Variants in WDR64 observed in about 807,000 individuals in gnomAD.
The protein encoded by WDR64 is WD repeat-containing protein 64.
A neutral mutation model predicts 139.3 loss-of-function variants in WDR64; 112 were observed. That is an observed-to-expected ratio of 0.80 (90% CI 0.69 to 0.94). The LOEUF (loss-of-function observed/expected upper bound fraction) is 0.94, where lower values mean the gene tolerates loss of function less well. Among genes scored for constraint, WDR64 ranks in the 40% least tolerant of loss-of-function variants. The probability of loss-of-function intolerance (pLI) is 0.00; values close to 1 mark genes in which losing one functional copy is unlikely to be tolerated. For missense variants in WDR64, 1,206 were observed against 1,293.1 expected, an observed-to-expected ratio of 0.93 and a Z score of 1.03; for synonymous variants, 444 against 437.7, an observed-to-expected ratio of 1.01 and a Z score of -0.18.
Position 241,796,343 on chromosome 1 carries a change from G to C in WDR64, c.3165G>C (p.Lys1055Asn). 1 of 1,613,680 alleles carries C rather than the reference G, an allele frequency of 6.2e-7. No homozygotes were observed. ...KDSSDGITGK[K>N]KGGHVQREKA... is the part of the protein sequence containing the mutation. ...CTTCAGATGGCATTACAGGAAAGAAGAAGGGAGGTCATGTTCAACGTGAAA... is the reference window on the plus strand; with the variant it reads ...CTTCAGATGGCATTACAGGAAAGAACAAGGGAGGTCATGTTCAACGTGAAA... Residue 1055 changes from lysine to asparagine, a missense_variant, in exon 27 of 28, where the codon AAG (lysine) becomes AAC (asparagine). By Grantham distance (94) the Lys-to-Asn change is moderately conservative. Coordinates refer to ENST00000437684, the MANE Select transcript of WDR64 (RefSeq NM_001367482.1).
intron 3 of WDR64, 32 bp downstream of exon 3, chr1:241,671,208 A>C: frequency 7.4e-7 from 1 of 1,350,974 alleles, no homozygotes; most frequent in Non-Finnish European, 1.0e-6. Context: ...CCAAATTAGT[A>C]TGAGTTTTAA....
intron 2 of WDR64, among the ~76,000 whole-genome samples, chr1:241,662,171 C>T (rs1466378840): frequency 1.3e-5 from 2 of 152,156 alleles, no homozygotes; most frequent in Admixed American, 6.5e-5. Context: ...GATTCTACTG[C>T]TACTGTACTA....
chr1:241,765,124 C>T (rs961365812), intron 15 of WDR64, among the ~76,000 whole-genome samples: 1 of 151,776 alleles, frequency 6.6e-6, no homozygotes, highest in Non-Finnish European at 1.5e-5. Flanking sequence ...GAAGTCGAGG[C>T]TGCAGTAAGC....
chr1:241,781,299 C>A (rs1658836604), intron 22 of WDR64, among the ~76,000 whole-genome samples: 1 of 152,088 alleles, frequency 6.6e-6, no homozygotes, highest in African/African-American at 2.4e-5. Flanking sequence ...TCTTTAGTAA[C>A]TTATTTTAAA....
intron 10 of WDR64, among the ~76,000 whole-genome samples, chr1:241,735,819 TTCTA>T (rs57690111): frequency 0.011 from 1,399 of 129,122 alleles, 10 homozygotes; most frequent in Non-Finnish European, 0.016. Flanking sequence ...GTCCTTCTCT[TTCTA>T]TCTCTCTCTC....
intron 10 of WDR64, among the ~76,000 whole-genome samples, chr1:241,730,010 T>C (rs1659139891): frequency 6.6e-6 from 1 of 152,230 alleles, no homozygotes; most frequent in Non-Finnish European, 1.5e-5. Flanking sequence ...GTTTCAAAAC[T>C]TTCCTGAGTG....
At chr1:241,704,615 A>AT (rs1481596727) in intron 8 of WDR64, among the ~76,000 whole-genome samples, 4 of 152,160 alleles carry the variant, frequency 2.6e-5, no homozygotes, top group African/African-American at 4.8e-5. Flanking sequence ...TCCTATCATT[A>AT]TTTTTTATAG....
chr1:241,769,368 G>C (rs752609242), intron 16 of WDR64, 36 bp from the exon 17 acceptor site: 1 of 1,515,020 alleles, frequency 6.6e-7, no homozygotes, highest in Non-Finnish European at 9.0e-7. Context: ...CATAATTTGT[G>C]AATTTTTTCT....
chr1:241,684,363 T>A (rs906575417), intron 7 of WDR64, among the ~76,000 whole-genome samples: 5 of 152,176 alleles, frequency 3.3e-5, no homozygotes, highest in Admixed American at 2.0e-4. Context: ...AAAGTGATCA[T>A]CAGAAAAAAA....
chr1:241,787,558 G>A (rs576406761), intron 23 of WDR64, among the ~76,000 whole-genome samples: 8 of 151,710 alleles, frequency 5.3e-5, no homozygotes, highest in Non-Finnish European at 8.8e-5. Context: ...TCAGCTACTC[G>A]GGAAGCTGAG....
At chr1:241,744,184 C>A (rs1345348768) in intron 12 of WDR64, among the ~76,000 whole-genome samples, 1 of 152,210 alleles carries the variant, frequency 6.6e-6, no homozygotes, top group Non-Finnish European at 1.5e-5. Flanking sequence ...GTCTCAGCCC[C>A]TACATTTGCA....
chr1:241,687,258 C>A (rs139537956), intron 7 of WDR64, among the ~76,000 whole-genome samples: 2 of 149,352 alleles, frequency 1.3e-5, no homozygotes, highest in African/African-American at 2.5e-5. Flanking sequence ...GAGCCGAGAT[C>A]GCACCACTGC....
At position 241,660,598 on chromosome 1, in the gene WDR64, G is replaced by A; in HGVS notation, c.214G>A (p.Asp72Asn). ...CTTTGGTCCAGATGTGAAGAATCAA[G>A]ATGTGAAACGCTTTTACAGGAAACT... ...KLFGPDVKNQ[D>N]VKRFYRKLCN... is the part of the protein sequence containing the mutation. The change falls in exon 2 of 28, where the codon GAT becomes AAT. Residue 72 changes from aspartate (D) to asparagine (N), a missense_variant. Asp to Asn is a conservative substitution (Grantham distance 23, BLOSUM62 1). Transcript: ENST00000437684. The A allele has an allele frequency of 6.4e-7, 1 of 1,551,778 alleles. No homozygotes were observed. The highest frequency in any genetic ancestry group is 8.7e-7 in the Non-Finnish European group (1 of 1,146,900).
At chr1:241,744,140 T>C (rs1489168960) in intron 12 of WDR64, among the ~76,000 whole-genome samples, 1 of 152,202 alleles carries the variant, frequency 6.6e-6, no homozygotes, top group Non-Finnish European at 1.5e-5. Context: ...ACTTCTTCCA[T>C]GGCCAGGGGC....
chr1:241,719,626 A>T (rs757078964), intron 9 of WDR64, among the ~76,000 whole-genome samples: 1 of 152,162 alleles, frequency 6.6e-6, no homozygotes, highest in Non-Finnish European at 1.5e-5. Context: ...ATACCCAACT[A>T]ACAAGTCACC....
chr1:241,660,673 C>T lies in WDR64; in HGVS notation c.276+13C>T. The T allele has an allele frequency of 6.5e-7, 1 of 1,545,622 alleles. No homozygotes were observed. Among genetic ancestry groups the T allele is most frequent in the Non-Finnish European group, 8.7e-7 (1 of 1,144,762 alleles). ...AGACTGGTGTGAGGTAGACTCATTT[C>T]ATGTTCATAATATGAAATCCAGGTA... On this transcript the variant is annotated intron_variant, in intron 2 of 27. Coordinates refer to ENST00000437684, the MANE Select transcript of WDR64 (RefSeq NM_001367482.1).
chr1:241,791,612 C>T (rs1659216831), intron 25 of WDR64, among the ~76,000 whole-genome samples: 1 of 151,864 alleles, frequency 6.6e-6, no homozygotes, highest in Non-Finnish European at 1.5e-5. Context: ...TTTGAGGTTA[C>T]AGTGAGCTAT....
rs138441705 is a variant in WDR64, at chr1:241,680,666, C to A, written c.624+1071C>A. ...GGTCAGCCTCACCCTTCATTCTCTT[C>A]GATCTTTGTCCTTCAACCTGGAGGG... On this transcript the variant is annotated intron_variant, in intron 6 of 27. Coordinates refer to ENST00000437684, the MANE Select transcript of WDR64 (RefSeq NM_001367482.1). Among the ~76,000 whole-genome samples the A allele has an allele frequency of 3.6e-3, 549 of 152,316 alleles. 6 individuals carry two copies. The highest frequency in any genetic ancestry group is 0.013 in the African/African-American group (537 of 41,562).
At chr1:241,730,732 C>A (rs1669045623) in intron 10 of WDR64, among the ~76,000 whole-genome samples, 1 of 152,166 alleles carries the variant, frequency 6.6e-6, no homozygotes, top group Non-Finnish European at 1.5e-5. Context: ...CTTGAGAGTG[C>A]ATTAGGCTCT....
Sources: gnomAD v4.1 joint callset for allele counts (sites outside exome capture counted in the v4.1 genomes callset) on GRCh38, gnomAD v4.1.1 for gene constraint, MANE v1.5 for transcripts, NCBI Gene and HGNC (gene_info 2026-07-23, HGNC 2026-07-21) for gene names.